Variants in SOX5 observed in about 807,000 individuals in gnomAD.
SOX5 encodes SRY-box transcription factor 5.
SOX5 carries 9 observed loss-of-function variants against 92.0 expected under a neutral mutation model. The ratio of observed to expected loss-of-function variants is 0.10; its 90% confidence interval spans 0.06 to 0.17. The LOEUF (loss-of-function observed/expected upper bound fraction) is 0.17, where lower values mean the gene tolerates loss of function less well. SOX5 is among the 10% of genes least tolerant of loss of function. The probability of loss-of-function intolerance (pLI) is 1.00; values close to 1 mark genes in which losing one functional copy is unlikely to be tolerated. For missense variants in SOX5, 642 were observed against 944.5 expected, an observed-to-expected ratio of 0.68 and a Z score of 4.20; for synonymous variants, 344 against 336.3, an observed-to-expected ratio of 1.02 and a Z score of -0.25.
chr12:23,549,546 T>A (rs1217507084), intron 11 of SOX5, among the ~76,000 whole-genome samples: 11 of 151,992 alleles, frequency 7.2e-5, no homozygotes. Flanking sequence ...CTCCTTTACC[T>A]TCTTTTTACA....
At chr12:23,968,920 T>G (rs1424512588) in intron 4 of SOX5, among the ~76,000 whole-genome samples, 4 of 152,206 alleles carry the variant, frequency 2.6e-5, no homozygotes, top group Non-Finnish European at 5.9e-5. Flanking sequence ...GTTAGTTTTG[T>G]CTATTTGCCA....
intron 7 of SOX5, among the ~76,000 whole-genome samples, chr12:23,649,856 G>A (rs1045156934): frequency 6.6e-6 from 1 of 152,014 alleles, no homozygotes; most frequent in Non-Finnish European, 1.5e-5. Context: ...AGATTATTTA[G>A]GATGAAGGAA....
intron 3 of SOX5, among the ~76,000 whole-genome samples, chr12:23,783,560 GA>G (rs1229742679): frequency 6.6e-6 from 1 of 152,108 alleles, no homozygotes; most frequent in East Asian, 1.9e-4. Flanking sequence ...AATTCAATAT[GA>G]AAAACTCTTG....
At chr12:23,622,393 A>T (rs73091344) in intron 8 of SOX5, among the ~76,000 whole-genome samples, 13,652 of 151,922 alleles carry the variant, frequency 0.09, 714 homozygotes, top group Non-Finnish European at 0.11. Flanking sequence ...TAGCTTTTTT[A>T]AAAAAATCTA....
chr12:24,468,067 G>A (rs1944413691), intron 1 of SOX5, among the ~76,000 whole-genome samples: 1 of 152,168 alleles, frequency 6.6e-6, no homozygotes, highest in African/African-American at 2.4e-5. Context: ...ATAACAACTG[G>A]GAGATGAGGA....
chr12:23,887,901 T>C (rs990716317), intron 2 of SOX5, among the ~76,000 whole-genome samples: 1 of 133,348 alleles, frequency 7.5e-6, no homozygotes, highest in African/African-American at 2.7e-5. Context: ...TTGATGGTAA[T>C]TGGTCCAGTG....
chr12:24,437,978 C>T (rs1424720807), intron 1 of SOX5, among the ~76,000 whole-genome samples: 3 of 152,196 alleles, frequency 2.0e-5, no homozygotes, highest in Admixed American at 6.5e-5. Flanking sequence ...AAGACACATG[C>T]ACACGTATGT....
Position 23,616,465 on chromosome 12 carries a change from G to A in SOX5, c.1018-11932C>T, listed in dbSNP as rs143436073. On this transcript the variant is annotated intron_variant, in intron 8 of 14. Transcript: ENST00000451604. ...ACTTAATTTCCAGTCTGGAGTCCCC[G>A]TTGGGGAAGAATTCCTCCTGAAGGG... 7.2e-5 allele frequency among the ~76,000 whole-genome samples: 11 copies of A among 152,294 alleles called. No homozygotes were observed. The East Asian group carries it at 9.7e-4, about 13-fold the overall frequency.
intron 3 of SOX5, among the ~76,000 whole-genome samples, chr12:23,817,601 A>G (rs1451979736): frequency 6.6e-6 from 1 of 152,244 alleles, no homozygotes; most frequent in Non-Finnish European, 1.5e-5. Context: ...ATAAGCACTT[A>G]AAGCAAATTG....
At chr12:23,569,110 A>C (rs962538398) in intron 10 of SOX5, among the ~76,000 whole-genome samples, 2 of 152,138 alleles carry the variant, frequency 1.3e-5, no homozygotes, top group African/African-American at 4.8e-5. Context: ...GAACTGCTTG[A>C]GCCTGGGAGG....
intron 2 of SOX5, among the ~76,000 whole-genome samples, chr12:23,850,088 T>C (rs75210906): frequency 0.024 from 3,636 of 152,218 alleles, 143 homozygotes; most frequent in African/African-American, 0.082. Flanking sequence ...CTCAACAAGT[T>C]TTGACATAGT....
At chr12:23,941,240 C>T (rs1595801724) in intron 1 of SOX5, among the ~76,000 whole-genome samples, 1 of 151,450 alleles carries the variant, frequency 6.6e-6, no homozygotes, top group Non-Finnish European at 1.5e-5. Flanking sequence ...TTAGTGACTT[C>T]CAATTATCTT....
At chr12:24,541,561 G>A (rs1374337090) in intron 1 of SOX5, among the ~76,000 whole-genome samples, 1 of 152,180 alleles carries the variant, frequency 6.6e-6, no homozygotes, top group Admixed American at 6.5e-5. Context: ...AATTATTGAT[G>A]AAATTGCAAT....
At chr12:23,990,557 C>G (rs1334956567) in intron 4 of SOX5, among the ~76,000 whole-genome samples, 1 of 152,170 alleles carries the variant, frequency 6.6e-6, no homozygotes, top group Non-Finnish European at 1.5e-5. Flanking sequence ...GAAACCTTCT[C>G]TAGTTTTCCA....
chr12:24,242,085 TA>T (rs1410004146), intron 3 of SOX5, among the ~76,000 whole-genome samples: 1 of 152,214 alleles, frequency 6.6e-6, no homozygotes, highest in Non-Finnish European at 1.5e-5. Context: ...CATCGAAAGT[TA>T]TTTTTTGTCT....
At chr12:23,742,948 G>C (rs2093850742) in intron 4 of SOX5, among the ~76,000 whole-genome samples, 1 of 89,966 alleles carries the variant, frequency 1.1e-5, no homozygotes. Flanking sequence ...GAGATACACT[G>C]CCTAAAAAAA....
intron 3 of SOX5, among the ~76,000 whole-genome samples, chr12:23,771,801 A>G (rs1420667307): frequency 6.6e-6 from 1 of 152,184 alleles, no homozygotes; most frequent in Non-Finnish European, 1.5e-5. Flanking sequence ...AGTTTCTGTC[A>G]AGACTACAAA....
chr12:24,540,477 G>GCA (rs1952024640), intron 1 of SOX5, among the ~76,000 whole-genome samples: 2 of 152,050 alleles, frequency 1.3e-5, no homozygotes. Flanking sequence ...ACATATGCAA[G>GCA]CACACACACT....
rs576069425 is a variant in SOX5, at chr12:24,517,683, G to T, written c.-251+44646C>A. 2.1e-5 allele frequency among the ~76,000 whole-genome samples: 3 copies of T among 144,892 alleles called. No individual in the cohort carries two copies. The South Asian group carries it at 6.7e-4, about 32-fold the overall frequency. ...AAAACTGAAACATAATTCTGTCAAA[G>T]AAAACATAATTAATTCCATGTTTTT... On this transcript the variant is annotated intron_variant, in intron 1 of 4. Transcript: ENST00000446891.
Sources: allele counts gnomAD v4.1 joint callset (sites outside exome capture counted in the v4.1 genomes callset), GRCh38; gene constraint gnomAD v4.1.1; transcripts MANE v1.5; gene names NCBI Gene and HGNC (gene_info 2026-07-23, HGNC 2026-07-21).